Variants in MCPH1 observed in about 807,000 individuals in gnomAD.
MCPH1 encodes microcephalin 1.
Under a neutral mutation model 84.5 loss-of-function variants are expected in MCPH1, and 104 were observed. The ratio of observed to expected loss-of-function variants is 1.23; its 90% confidence interval spans 1.05 to 1.45. The LOEUF (loss-of-function observed/expected upper bound fraction) is 1.45. MCPH1 is among the 40% of genes most tolerant of loss of function. The probability of loss-of-function intolerance (pLI) is 0.00; values close to 1 mark genes in which losing one functional copy is unlikely to be tolerated. For synonymous variants in MCPH1, 514 were observed against 366.8 expected (o/e 1.40, Z -4.58); for missense variants, 1,498 against 1,005.7 (o/e 1.49, Z -6.62).
chr8:6,447,417 T>C, intron 8 of MCPH1: 1 of 985,444 alleles, frequency 1.0e-6, no homozygotes, highest in Non-Finnish European at 1.2e-6. Flanking sequence ...TGTTTTCAGT[T>C]CACTTTTACT....
intron 12 of MCPH1, among the ~76,000 whole-genome samples, chr8:6,518,300 G>A (rs1444517508): frequency 6.6e-6 from 1 of 152,190 alleles, no homozygotes; most frequent in Non-Finnish European, 1.5e-5. Flanking sequence ...GGCATGCACA[G>A]AATTGTCATG....
intron 12 of MCPH1, among the ~76,000 whole-genome samples, chr8:6,608,058 C>T (rs1225097475): frequency 6.6e-6 from 1 of 152,164 alleles, no homozygotes; most frequent in Non-Finnish European, 1.5e-5. Flanking sequence ...GGGGAGTGCT[C>T]ACCTCCAGCA....
chr8:6,632,874 T>C (rs1332079029), intron 13 of MCPH1, among the ~76,000 whole-genome samples: 1 of 152,118 alleles, frequency 6.6e-6, no homozygotes, highest in Non-Finnish European at 1.5e-5. Context: ...GGTAGTGTGT[T>C]TTTAAAACAC....
chr8:6,499,773 GTC>G lies in MCPH1; in HGVS notation c.2137-77_2137-76del, dbSNP rs1811793432. The G allele has an allele frequency of 2.3e-5, 29 of 1,272,706 alleles. 2 individuals are homozygous for G. In the South Asian group the frequency reaches 3.2e-4, roughly 14 times the overall value. The allele number at this position is 1,272,706 out of a possible 1,614,324, so 78.8% of individuals were successfully genotyped here. ...TGCGGAGTGTATCACTTTTTGCTGT[GTC>G]TTCAAAGTGATTCTTGGTTTATTGC... On this transcript the variant is annotated intron_variant, in intron 11 of 13. Coordinates refer to ENST00000344683, the MANE Select transcript of MCPH1 (RefSeq NM_024596.5).
intron 12 of MCPH1, among the ~76,000 whole-genome samples, chr8:6,590,074 A>G (rs1563161572): frequency 6.6e-6 from 1 of 152,196 alleles, no homozygotes; most frequent in Non-Finnish European, 1.5e-5. Flanking sequence ...TCTTTATAAT[A>G]GCAAAAAGTG....
intron 9 of MCPH1, chr8:6,473,933 C>T (rs1034171584): frequency 7.5e-6 from 11 of 1,466,824 alleles, no homozygotes; most frequent in Middle Eastern, 1.8e-4. Flanking sequence ...GCTGGGCAGC[C>T]GATGCACAAC....
rs1412473747 is a variant in MCPH1, at chr8:6,578,726, A to T, written c.2215-42728A>T. ...TCTCAGTGACAAACACAGGCTCATTACAGGTCTGAGCAAATGTGCCACTTC... is the reference window on the plus strand; with the variant it reads ...TCTCAGTGACAAACACAGGCTCATTTCAGGTCTGAGCAAATGTGCCACTTC... On this transcript the variant is annotated intron_variant, in intron 12 of 13. Transcript: ENST00000344683. Among the ~76,000 whole-genome samples, 32 of 152,230 alleles carry T rather than the reference A, an allele frequency of 2.1e-4. 1 individual carries two copies. The highest frequency in any genetic ancestry group is 2.1e-3 in the Admixed American group (32 of 15,292).
intron 12 of MCPH1, among the ~76,000 whole-genome samples, chr8:6,619,778 G>T (rs989449962): frequency 8.5e-5 from 13 of 152,100 alleles, no homozygotes; most frequent in African/African-American, 3.1e-4. Flanking sequence ...TAGAGACAGG[G>T]TTTCACCATG....
At chr8:6,587,166 G>A (rs1828060324) in intron 12 of MCPH1, among the ~76,000 whole-genome samples, 1 of 152,108 alleles carries the variant, frequency 6.6e-6, no homozygotes. Context: ...GACCAGAAGG[G>A]TGTCTGATGC....
chr8:6,602,516 T>G (rs1411645808), intron 12 of MCPH1, among the ~76,000 whole-genome samples: 4 of 151,808 alleles, frequency 2.6e-5, no homozygotes, highest in Non-Finnish European at 4.4e-5. Context: ...GAAGGGAGGG[T>G]GTGGGGCTGA....
intron 12 of MCPH1, among the ~76,000 whole-genome samples, chr8:6,543,914 A>ACAGATTAT (rs1424887742): frequency 6.6e-6 from 1 of 152,126 alleles, no homozygotes; most frequent in African/African-American, 2.4e-5. Context: ...TATAACTCAC[A>ACAGATTAT]TTAGAAACAC....
At chr8:6,490,063 A>G (rs1810388370) in intron 11 of MCPH1, among the ~76,000 whole-genome samples, 1 of 152,046 alleles carries the variant, frequency 6.6e-6, no homozygotes, top group African/African-American at 2.4e-5. Flanking sequence ...TTCAGTGTAG[A>G]TCTCAGTTCC....
rs1036758044 is a variant in MCPH1, at chr8:6,601,266, C to T, written c.2215-20188C>T. Among the ~76,000 whole-genome samples the T allele has an allele frequency of 2.6e-5, 4 of 152,314 alleles. No homozygotes were observed. The East Asian group carries it at 5.8e-4, about 22-fold the overall frequency. Reference sequence around the variant, plus strand: ...TGCATCTCTGGAAAACAGTTCTCATCAGGGCACCCTGTGCTTCCCAGTTTC... The same window carrying T: ...TGCATCTCTGGAAAACAGTTCTCATTAGGGCACCCTGTGCTTCCCAGTTTC... On this transcript the variant is annotated intron_variant, in intron 12 of 13. Coordinates refer to ENST00000344683, the MANE Select transcript of MCPH1 (RefSeq NM_024596.5).
At chr8:6,558,707 G>A (rs1825039859) in intron 12 of MCPH1, among the ~76,000 whole-genome samples, 2 of 152,104 alleles carry the variant, frequency 1.3e-5, no homozygotes, top group African/African-American at 4.8e-5. Context: ...TCTAAACTCT[G>A]CAAGCAAACA....
At chr8:6,446,057 C>T in intron 8 of MCPH1, 4 of 980,558 alleles carry the variant, frequency 4.1e-6, no homozygotes, top group Non-Finnish European at 4.8e-6. Flanking sequence ...AAACTTTGGT[C>T]AGTGTTAACT....
chr8:6,638,869 G>A (rs894134762), intron 13 of MCPH1, among the ~76,000 whole-genome samples: 62 of 152,186 alleles, frequency 4.1e-4, no homozygotes, highest in African/African-American at 1.4e-3. Context: ...ACATGACCCT[G>A]GAGCTGTCGG....
intron 12 of MCPH1, among the ~76,000 whole-genome samples, chr8:6,507,264 T>G (rs1396348803): frequency 6.6e-6 from 1 of 152,206 alleles, no homozygotes; most frequent in Non-Finnish European, 1.5e-5. Context: ...ATGTAGTAAC[T>G]TTCATTTATA....
chr8:6,471,540 G>C (rs560769453), intron 9 of MCPH1, among the ~76,000 whole-genome samples: 6 of 152,118 alleles, frequency 3.9e-5, no homozygotes, highest in African/African-American at 1.4e-4. Flanking sequence ...GAAGAGAAAG[G>C]GTTCCTTATG....
At position 6,480,976 on chromosome 8, in the gene MCPH1, T is replaced by G. The variant is rs566632200; in HGVS notation, c.2136+100T>G. 310 of 1,355,860 alleles carry G rather than the reference T, an allele frequency of 2.3e-4. 3 individuals are homozygous for G. Among genetic ancestry groups the G allele is most frequent in the Middle Eastern group, 2.3e-3 (9 of 3,984 alleles). 84.0% of individuals were successfully genotyped at this position (1,355,860 alleles called of 1,614,324 possible). A position where few individuals can be genotyped will look rare whatever the true frequency, so the allele number is the denominator to read the frequency against. On this transcript the variant is annotated intron_variant, in intron 11 of 13. Coordinates refer to ENST00000344683, the MANE Select transcript of MCPH1 (RefSeq NM_024596.5). Reference sequence around the variant, plus strand: ...TCAGCACTCAGGCCGGCGTGCACCCTTGTGGATCTGCACACTTTCCTGTGA... The same window carrying G: ...TCAGCACTCAGGCCGGCGTGCACCCGTGTGGATCTGCACACTTTCCTGTGA...
Sources: allele counts gnomAD v4.1 joint callset (sites outside exome capture counted in the v4.1 genomes callset), GRCh38; gene constraint gnomAD v4.1.1; transcripts MANE v1.5; gene names NCBI Gene and HGNC (gene_info 2026-07-23, HGNC 2026-07-21).